Variants in MTX1 observed in about 807,000 individuals in gnomAD.
The protein encoded by MTX1 is metaxin-1.
In MTX1, 20 loss-of-function variants were observed where a neutral mutation model predicts 39.4. The ratio of observed to expected loss-of-function variants is 0.51; its 90% CI spans 0.36 to 0.74. The LOEUF (loss-of-function observed/expected upper bound fraction) is 0.74. Ranked by LOEUF, MTX1 falls within the 30% of genes least tolerant of loss-of-function variation. The probability of loss-of-function intolerance (pLI) is 0.00; values close to 1 mark genes in which losing one functional copy is unlikely to be tolerated. For synonymous variants in MTX1, 209 were observed against 198.6 expected (o/e 1.05, Z -0.44); for missense variants, 481 against 485.9 (o/e 0.99, Z 0.10).
Position 155,208,897 on chromosome 1 carries a change from C to T in MTX1, c.93C>T (p.Ser31=). The change falls in exon 1 of 8, where the codon AGC becomes AGT. Residue 31 remains serine, a synonymous_variant. Coordinates refer to ENST00000368376, the MANE Select transcript of MTX1 (RefSeq NM_002455.5). The part of the protein sequence containing the change: ...SSTGHVQFGK[S]PQTWPRRTRP... The stretch of plus-strand genomic sequence containing the variant: ...CAGGCCACGTGCAGTTTGGCAAGAG[C>T]CCCCAGACCTGGCCCAGGCGCACAA... The T allele has an allele frequency of 1.9e-6, 3 of 1,611,584 alleles. No individual in the cohort carries two copies. The highest frequency in any genetic ancestry group is 1.1e-5 in the South Asian group (1 of 90,924).
intron 5 of MTX1, 59 bp from the exon 6 acceptor site, chr1:155,212,635 T>C: frequency 1.2e-6 from 2 of 1,611,220 alleles, no homozygotes; most frequent in Middle Eastern, 3.3e-4. Context: ...ATGGGAGTGC[T>C]TAGGTGGGGA....
chr1:155,208,762 G>A lies in MTX1; in HGVS notation c.-43G>A, dbSNP rs1467111724. 4.2e-6 allele frequency: 6 copies of A among 1,413,838 alleles called. No individual in the cohort carries two copies. The highest frequency in any genetic ancestry group is 3.1e-5 in the South Asian group (2 of 65,442). The allele number at this position is 1,413,838 out of a possible 1,614,324, so 87.6% of individuals were successfully genotyped here. ...CCCCTGTTTTGTTTCCATGGCGACAGGCGGCGCAGGGCCCGCTCCAAACAT... is the reference window on the plus strand; with the variant it reads ...CCCCTGTTTTGTTTCCATGGCGACAAGCGGCGCAGGGCCCGCTCCAAACAT... On this transcript the variant is annotated 5_prime_UTR_variant, in exon 1 of 8. Coordinates refer to ENST00000368376, the MANE Select transcript of MTX1 (RefSeq NM_002455.5).
In MTX1 at chr1:155,212,704, A is replaced by G. The variant is rs1418046099; in HGVS notation, c.965A>G (p.Glu322Gly). ...GTGTCGCCCCTACAGCTGTACCGAG[A>G]GGCTCGGGAGTGTCTGACCCTGCTC... Reference protein sequence around the residue: ...EEELEKELYREARECLTLLSQ... With the variant: ...EEELEKELYRGARECLTLLSQ... Residue 322 changes from glutamate to glycine, a missense_variant, in exon 6 of 8, where the codon GAG (glutamate) becomes GGG (glycine). Around this residue, in one of 2 missense-constraint regions of MTX1, gnomAD observed 113 missense variants for 153.2 expected, o/e 0.74. Coordinates refer to ENST00000368376, the MANE Select transcript of MTX1 (RefSeq NM_002455.5). The G allele has an allele frequency of 6.2e-7, 1 of 1,607,056 alleles. No individual in the cohort carries two copies. Among genetic ancestry groups the G allele is most frequent in the Non-Finnish European group, 8.5e-7 (1 of 1,176,814 alleles).
At chr1:155,212,002 G>C in intron 3 of MTX1, 125 bp from the exon 4 acceptor site, 1 of 836,390 alleles carries the variant, frequency 1.2e-6, no homozygotes. Flanking sequence ...GGCAGGAAAA[G>C]TTCCTTGCTG....
rs1197218751 is a variant in MTX1 at position 155,213,631 on chromosome 1, G to A, written c.1334G>A (p.Arg445Gln). 4.9e-5 allele frequency: 3 copies of A among 61,542 alleles called. No individual in the cohort carries two copies. Among genetic ancestry groups the A allele is most frequent in the East Asian group, 2.6e-4 (1 of 3,920 alleles). The allele number at this position is 61,542 out of a possible 1,614,324, so 3.8% of individuals were successfully genotyped here. A position where few individuals can be genotyped will look rare whatever the true frequency, so the allele number is the denominator to read the frequency against. Residue 445 changes from arginine to glutamine, a missense_variant, in exon 8 of 8, where the codon CGG becomes CAG. Arg to Gln is a conservative substitution (Grantham distance 43). This residue lies in a region of MTX1 where 113 missense variants were observed against 153.2 expected (regional missense o/e 0.74). Transcript: ENST00000368376. ...CTCAGCGGCATTGTCTCCATCCAGC[G>A]GGCAACGCCTGCTCGGGCCCCAGGC... ...ALLSGIVSIQ[R>Q]ATPARAPGTR...
chr1:155,209,566 C>T lies in MTX1; in HGVS notation c.528+234C>T, dbSNP rs1000441255. Among the ~76,000 whole-genome samples the T allele has an allele frequency of 1.4e-4, 21 of 152,230 alleles. 2 individuals carry two copies. The highest frequency in any genetic ancestry group is 1.4e-3 in the Admixed American group (21 of 15,288). On this transcript the variant is annotated intron_variant, in intron 1 of 7. Coordinates refer to ENST00000368376, the MANE Select transcript of MTX1 (RefSeq NM_002455.5). ...GGGAGTTCAGGTGATGGGTTCTAGT[C>T]CTTGCTCATCCATTCACTGGCTGTG...
At position 155,212,582 on chromosome 1, in the gene MTX1, G is replaced by C. The variant is rs975708900; in HGVS notation, c.954+15G>C. The C allele has an allele frequency of 5.6e-6, 9 of 1,601,844 alleles. No homozygotes were observed. The highest frequency in any genetic ancestry group is 5.6e-5 in the South Asian group (5 of 90,080). ...TGGAGAAGGAGGTAGCTCTGAGACC[G>C]GGGGCTATTGTATGAGATGAGCCCC... On this transcript the variant is annotated intron_variant, in intron 5 of 7. Coordinates refer to ENST00000368376, the MANE Select transcript of MTX1 (RefSeq NM_002455.5).
intron 3 of MTX1, chr1:155,210,893 T>C: frequency 2.0e-6 from 1 of 504,484 alleles, no homozygotes; most frequent in Non-Finnish European, 3.6e-6. Context: ...TGGCCTCTGA[T>C]GGTGGGACTG....
At position 155,209,345 on chromosome 1, in the gene MTX1, G is replaced by A. The variant is rs1316582857; in HGVS notation, c.528+13G>A. Reference sequence around the variant, plus strand: ...CCTGGCCGTGCTGGTGAGGGGTGGCGCCGGCGCCCTCTGCTGTGCCCTGAT... The same window carrying A: ...CCTGGCCGTGCTGGTGAGGGGTGGCACCGGCGCCCTCTGCTGTGCCCTGAT... On this transcript the variant is annotated intron_variant, in intron 1 of 7. Coordinates refer to ENST00000368376, the MANE Select transcript of MTX1 (RefSeq NM_002455.5). 2 of 1,411,776 alleles carry A rather than the reference G, an allele frequency of 1.4e-6. No homozygotes were observed. Among genetic ancestry groups the A allele is most frequent in the East Asian group, 2.6e-5 (1 of 38,904 alleles). 87.5% of individuals were successfully genotyped at this position (1,411,776 alleles called of 1,614,324 possible).
Position 155,212,464 on chromosome 1 carries a change from T to C in MTX1, c.851T>C (p.Leu284Pro). The C allele has an allele frequency of 1.9e-6, 3 of 1,613,984 alleles. No individual in the cohort carries two copies. The highest frequency in any genetic ancestry group is 2.5e-6 in the Non-Finnish European group (3 of 1,179,926). The stretch of plus-strand genomic sequence containing the variant: ...TATGCAGAGGCTATGCCCTTTCCCC[T>C]CAACTTCTTCCTGCCTGGCCGCATG... Reference protein sequence around the residue: ...KWYAEAMPFPLNFFLPGRMQR... With the variant: ...KWYAEAMPFPPNFFLPGRMQR... Residue 284 changes from leucine (L) to proline (P), a missense_variant, in exon 5 of 8, where the codon CTC (leucine) becomes CCC (proline). Transcript: ENST00000368376.
At chr1:155,211,264 G>C (rs529683788) in intron 3 of MTX1, 3 of 152,834 alleles carry the variant, frequency 2.0e-5, no homozygotes, top group African/African-American at 4.8e-5. Context: ...TTAATTGAGA[G>C]GCCTGGAAAG....
rs943000853 is a variant in MTX1 at position 155,208,708 on chromosome 1, C to A, written c.-97C>A. On this transcript the variant is annotated 5_prime_UTR_variant, in exon 1 of 8. Coordinates refer to ENST00000368376, the MANE Select transcript of MTX1 (RefSeq NM_002455.5). ...TTCCCCTCCCCCACCCAAGCCCCAGCCCGGCCTCCGCTCCGGCCGCCGCCA... is the reference window on the plus strand; with the variant it reads ...TTCCCCTCCCCCACCCAAGCCCCAGACCGGCCTCCGCTCCGGCCGCCGCCA... 3 of 1,283,352 alleles carry A rather than the reference C, an allele frequency of 2.3e-6. No homozygotes were observed. Among genetic ancestry groups the A allele is most frequent in the Non-Finnish European group, 3.1e-6 (3 of 968,476 alleles). 79.5% of individuals were successfully genotyped at this position (1,283,352 alleles called of 1,614,324 possible).
At position 155,209,340 on chromosome 1, in the gene MTX1, G is replaced by A. The variant is rs759521936; in HGVS notation, c.528+8G>A. The A allele has an allele frequency of 1.4e-6, 2 of 1,415,146 alleles. No individual in the cohort carries two copies. The highest frequency in any genetic ancestry group is 1.6e-5 in the South Asian group (1 of 61,396). 87.7% of individuals were successfully genotyped at this position (1,415,146 alleles called of 1,614,324 possible). ...GACAGCCTGGCCGTGCTGGTGAGGG[G>A]TGGCGCCGGCGCCCTCTGCTGTGCC... On this transcript the variant is annotated splice_region_variant and intron_variant, in intron 1 of 7. Transcript: ENST00000368376.
rs544714665 is a variant in MTX1 at position 155,212,581 on chromosome 1, C to T, written c.954+14C>T. The T allele has an allele frequency of 1.2e-4, 186 of 1,603,352 alleles. 1 individual carries two copies. In the East Asian group the frequency reaches 2.4e-3, roughly 21 times the overall value. On this transcript the variant is annotated intron_variant, in intron 5 of 7. Transcript: ENST00000368376. ...CTGGAGAAGGAGGTAGCTCTGAGAC[C>T]GGGGGCTATTGTATGAGATGAGCCC...
Position 155,208,811 on chromosome 1 carries a change from C to A in MTX1, c.7C>A (p.Leu3Ile). The part of the protein sequence containing the change: ML[L>I]GGPPRSPRSG... The stretch of plus-strand genomic sequence containing the variant: ...ATAACGCGCTGTGGAAAACATGCTG[C>A]TCGGGGGACCCCCCCGCAGTCCCCG... Residue 3 changes from leucine to isoleucine, a missense_variant, in exon 1 of 8, where the codon CTC becomes ATC. Leu to Ile is a conservative substitution (Grantham distance 5). Transcript: ENST00000368376. 6.4e-7 allele frequency: 1 copy of A among 1,555,900 alleles called. No individual in the cohort carries two copies.
chr1:155,209,692 G>A (rs1671023209), intron 1 of MTX1, among the ~76,000 whole-genome samples: 1 of 152,098 alleles, frequency 6.6e-6, no homozygotes, highest in Admixed American at 6.5e-5. Flanking sequence ...TGGAATTCCT[G>A]CCTTCTCCTC....
At chr1:155,210,790 T>C in intron 3 of MTX1, 163 bp downstream of exon 3, 2 of 689,422 alleles carry the variant, frequency 2.9e-6, no homozygotes, top group South Asian at 3.4e-5. Context: ...GTCACTGTGA[T>C]GTATTAAAGC....
At chr1:155,212,903 C>T in intron 6 of MTX1, 133 bp downstream of exon 6, 4 of 1,321,936 alleles carry the variant, frequency 3.0e-6, no homozygotes, top group South Asian at 2.7e-5. Context: ...GAAACTGGCC[C>T]TAGTGACAGT....
At chr1:155,212,308 G>C (rs776796271) in intron 4 of MTX1, 77 bp from the exon 5 acceptor site, 28 of 1,599,388 alleles carry the variant, frequency 1.8e-5, no homozygotes, top group Non-Finnish European at 2.4e-5. Flanking sequence ...GGAAAGCATG[G>C]GGGTCAGAAG....
Sources: allele counts gnomAD v4.1 joint callset (sites outside exome capture counted in the v4.1 genomes callset), GRCh38; gene constraint gnomAD v4.1.1; regional missense constraint gnomAD v4.1.1; transcripts MANE v1.5; gene names NCBI Gene and HGNC (gene_info 2026-07-23, HGNC 2026-07-21).